HSD17B4: variants seen among roughly 807,000 people sequenced by gnomAD.
The protein encoded by HSD17B4 is peroxisomal multifunctional enzyme type 2.
In HSD17B4, 70 loss-of-function variants were observed where a neutral mutation model predicts 101.0. The observed-to-expected ratio is 0.69, with a 90% CI of 0.57 to 0.85. The LOEUF (loss-of-function observed/expected upper bound fraction) is 0.85, where lower values mean the gene tolerates loss of function less well. Ranked by LOEUF, HSD17B4 falls within the 40% of genes least tolerant of loss-of-function variation. The probability of loss-of-function intolerance (pLI) is 0.00; values close to 1 mark genes in which losing one functional copy is unlikely to be tolerated. For synonymous variants in HSD17B4, 347 were observed against 297.1 expected (o/e 1.17, Z -1.73); for missense variants, 984 against 892.4 (o/e 1.10, Z -1.31).
intron 21 of HSD17B4, among the ~76,000 whole-genome samples, chr5:119,530,867 A>AAC (rs1754031569): frequency 6.7e-6 from 1 of 148,554 alleles, no homozygotes; most frequent in African/African-American, 2.5e-5. Flanking sequence ...AAAAAAACAA[A>AAC]AAACAAAAAA....
intron 8 of HSD17B4, among the ~76,000 whole-genome samples, chr5:119,485,341 G>A (rs1749523606): frequency 6.6e-6 from 1 of 152,064 alleles, no homozygotes; most frequent in South Asian, 2.1e-4. Context: ...AAAGGCATTA[G>A]GTAAATGTTT....
intron 8 of HSD17B4, among the ~76,000 whole-genome samples, chr5:119,485,904 G>A (rs1316275263): frequency 1.3e-5 from 2 of 152,034 alleles, no homozygotes; most frequent in Non-Finnish European, 2.9e-5. Flanking sequence ...CAATTTCTGG[G>A]GTCAGGAATT....
chr5:119,499,273 A>G, intron 12 of HSD17B4, 44 bp from the exon 13 acceptor site: 1 of 1,369,962 alleles, frequency 7.3e-7, no homozygotes, highest in South Asian at 1.2e-5. Flanking sequence ...AATAGTTTTG[A>G]AAAGTTATCA....
chr5:119,502,899 A>G, intron 14 of HSD17B4, among the ~76,000 whole-genome samples: 1 of 152,144 alleles, frequency 6.6e-6, no homozygotes, highest in East Asian at 1.9e-4. Flanking sequence ...GAAACAGTAC[A>G]CTTTGTGGTG....
At chr5:119,479,293 ATAT>A (rs1470642153) in intron 8 of HSD17B4, among the ~76,000 whole-genome samples, 4 of 152,036 alleles carry the variant, frequency 2.6e-5, no homozygotes, top group Non-Finnish European at 4.4e-5. Context: ...CAATGGGGTA[ATAT>A]TCTTCCTGTT....
intron 8 of HSD17B4, among the ~76,000 whole-genome samples, chr5:119,487,976 AAGT>A (rs1343043798): frequency 6.6e-6 from 1 of 152,156 alleles, no homozygotes; most frequent in Non-Finnish European, 1.5e-5. Flanking sequence ...AGAGGCTATA[AAGT>A]GAAGAGTTTT....
chr5:119,534,152 C>A (rs1192339078), intron 22 of HSD17B4, among the ~76,000 whole-genome samples: 1 of 151,988 alleles, frequency 6.6e-6, no homozygotes, highest in Non-Finnish European at 1.5e-5. Context: ...TTGTTTTCCT[C>A]CTGAATTTAA....
intron 1 of HSD17B4, among the ~76,000 whole-genome samples, chr5:119,453,529 A>G (rs1439034551): frequency 6.6e-6 from 1 of 152,214 alleles, no homozygotes; most frequent in Non-Finnish European, 1.5e-5. Flanking sequence ...AAGTGCAGGG[A>G]TCTTGACATT....
intron 20 of HSD17B4, among the ~76,000 whole-genome samples, chr5:119,529,495 A>T (rs1753871233): frequency 6.6e-6 from 1 of 152,278 alleles, no homozygotes; most frequent in Non-Finnish European, 1.5e-5. Flanking sequence ...TTTACTATTT[A>T]TAAGGATTCA....
intron 22 of HSD17B4, among the ~76,000 whole-genome samples, chr5:119,533,827 T>C (rs17145476): frequency 0.13 from 20,434 of 152,088 alleles, 2,174 homozygotes; most frequent in African/African-American, 0.3. Flanking sequence ...GGAAAATCTT[T>C]GTTGGTCCTG....
At chr5:119,514,710 C>T (rs1417307918) in intron 16 of HSD17B4, among the ~76,000 whole-genome samples, 1 of 152,130 alleles carries the variant, frequency 6.6e-6, no homozygotes, top group Non-Finnish European at 1.5e-5. Flanking sequence ...CTGTCCTTAA[C>T]TTTTTCTCCA....
intron 10 of HSD17B4, 118 bp downstream of exon 10, chr5:119,492,242 A>G (rs1445092990): frequency 6.3e-6 from 5 of 799,704 alleles, no homozygotes; most frequent in African/African-American, 1.7e-5. Context: ...TAGTGCTTGC[A>G]TATTCAAACT....
At chr5:119,463,715 T>G (rs988800703) in intron 2 of HSD17B4, among the ~76,000 whole-genome samples, 1 of 131,558 alleles carries the variant, frequency 7.6e-6, no homozygotes, top group South Asian at 2.6e-4. Flanking sequence ...TTGCCCAGGC[T>G]AGAGTGCAAG....
intron 6 of HSD17B4, chr5:119,476,762 C>T (rs1286315450): frequency 6.6e-6 from 6 of 908,308 alleles, no homozygotes; most frequent in Non-Finnish European, 7.9e-6. Flanking sequence ...TAAGCCACTA[C>T]TCCTGACTAC....
chr5:119,501,661 T>C (rs556068403), intron 13 of HSD17B4, among the ~76,000 whole-genome samples: 2 of 152,260 alleles, frequency 1.3e-5, no homozygotes, highest in East Asian at 3.9e-4. Context: ...TTACTAGCAC[T>C]GGCGCATTTG....
chr5:119,525,755 C>T, intron 18 of HSD17B4, 162 bp from the exon 19 acceptor site: 1 of 571,706 alleles, frequency 1.7e-6, no homozygotes, highest in Non-Finnish European at 3.1e-6. Flanking sequence ...AATTTCCTCC[C>T]AGGAAATACT....
chr5:119,499,287 A>C, intron 12 of HSD17B4, 30 bp from the exon 13 acceptor site: 2 of 1,459,024 alleles, frequency 1.4e-6, no homozygotes, highest in Non-Finnish European at 1.9e-6. Flanking sequence ...GTTATCAATG[A>C]AATAAATTAC....
In HSD17B4 at chr5:119,527,180, G is replaced by T; in HGVS notation, c.1728G>T (p.Glu576Asp). Residue 576 changes from glutamate to aspartate, a missense_variant, in exon 20 of 24, where the codon GAG (glutamate) becomes GAT (aspartate). Transcript: ENST00000510025. ...ATCCAGGACAAACTCTACAAACTGAGATGTGGAAGGAAGGAAACAGAATTC... is the reference window on the plus strand; with the variant it reads ...ATCCAGGACAAACTCTACAAACTGATATGTGGAAGGAAGGAAACAGAATTC... ...PVYPGQTLQTEMWKEGNRIHF... is the reference protein window; with the variant it reads ...PVYPGQTLQTDMWKEGNRIHF... 1 of 1,610,254 alleles carries T rather than the reference G, an allele frequency of 6.2e-7. No individual in the cohort carries two copies. Among genetic ancestry groups the T allele is most frequent in the Non-Finnish European group, 8.5e-7 (1 of 1,177,042 alleles).
intron 16 of HSD17B4, chr5:119,509,508 C>T: frequency 1.7e-6 from 1 of 575,996 alleles, no homozygotes. Context: ...AATATTCTTT[C>T]ATTTTTTATG....
Sources: allele counts gnomAD v4.1 joint callset (sites outside exome capture counted in the v4.1 genomes callset), GRCh38; gene constraint gnomAD v4.1.1; transcripts MANE v1.5; gene names NCBI Gene and HGNC (gene_info 2026-07-23, HGNC 2026-07-21).